PPP2R2B: variants seen among roughly 807,000 people sequenced by gnomAD.
The protein encoded by PPP2R2B is protein phosphatase 2 regulatory subunit Bbeta, also known as serine/threonine-protein phosphatase 2A 55 kDa regulatory subunit B beta isoform.
PPP2R2B carries 5 observed loss-of-function variants against 46.0 expected under a neutral mutation model. The ratio of observed to expected loss-of-function variants is 0.11; its 90% CI spans 0.06 to 0.23. The LOEUF (loss-of-function observed/expected upper bound fraction) is 0.23. Among genes scored for constraint, PPP2R2B ranks in the 10% least tolerant of loss-of-function variants. PPP2R2B has a pLI of 1.00. For synonymous variants in PPP2R2B, 215 were observed against 206.7 expected (o/e 1.04, Z -0.34); for missense variants, 367 against 575.0 (o/e 0.64, Z 3.70).
intron 1 of PPP2R2B, among the ~76,000 whole-genome samples, chr5:146,985,351 G>T (rs967008995): frequency 1.2e-4 from 19 of 152,054 alleles, no homozygotes; most frequent in Non-Finnish European, 5.9e-5. Flanking sequence ...TCATCCATAG[G>T]TTGTCTCTTT....
chr5:146,629,901 C>A (rs1282340920), intron 7 of PPP2R2B, among the ~76,000 whole-genome samples: 1 of 152,114 alleles, frequency 6.6e-6, no homozygotes, highest in Non-Finnish European at 1.5e-5. Flanking sequence ...GCAACCTCTG[C>A]CTCCCAGGTT....
chr5:146,825,337 C>T (rs1264541771), intron 2 of PPP2R2B, among the ~76,000 whole-genome samples: 2 of 152,178 alleles, frequency 1.3e-5, no homozygotes, highest in Admixed American at 6.5e-5. Context: ...GCCCACACTT[C>T]CATGTTTATT....
intron 2 of PPP2R2B, among the ~76,000 whole-genome samples, chr5:146,854,374 G>T (rs749457704): frequency 7.2e-5 from 11 of 152,092 alleles, no homozygotes; most frequent in Non-Finnish European, 1.5e-4. Context: ...TCAAGTTATG[G>T]TATTCGGGTT....
At chr5:147,046,792 C>T (rs1401473152) in intron 1 of PPP2R2B, among the ~76,000 whole-genome samples, 1 of 152,034 alleles carries the variant, frequency 6.6e-6, no homozygotes, top group Non-Finnish European at 1.5e-5. Flanking sequence ...GGATAATCAT[C>T]CTCCTGTGAT....
At chr5:146,633,206 G>C (rs1489727543) in intron 7 of PPP2R2B, among the ~76,000 whole-genome samples, 2 of 152,172 alleles carry the variant, frequency 1.3e-5, no homozygotes, top group African/African-American at 4.8e-5. Flanking sequence ...GCAGAGTGAG[G>C]GACATATGGA....
chr5:147,043,567 T>A (rs1327322483), intron 1 of PPP2R2B, among the ~76,000 whole-genome samples: 1 of 152,098 alleles, frequency 6.6e-6, no homozygotes, highest in African/African-American at 2.4e-5. Context: ...ACTCGGGCAT[T>A]TTGATATGGC....
intron 2 of PPP2R2B, among the ~76,000 whole-genome samples, chr5:147,071,259 C>T (rs1757586201): frequency 6.6e-6 from 1 of 152,142 alleles, no homozygotes; most frequent in South Asian, 2.1e-4. Context: ...GGGAATTTAT[C>T]AGCTCTGGGG....
chr5:147,068,203 C>T (rs930069118), intron 2 of PPP2R2B, among the ~76,000 whole-genome samples: 3 of 152,128 alleles, frequency 2.0e-5, no homozygotes, highest in East Asian at 1.9e-4. Context: ...CTGTGTCAAG[C>T]GCCGTGCTTT....
chr5:146,966,683 T>C (rs1233888767), intron 1 of PPP2R2B, among the ~76,000 whole-genome samples: 2 of 152,180 alleles, frequency 1.3e-5, no homozygotes, highest in Non-Finnish European at 2.9e-5. Flanking sequence ...TTCCTTTACG[T>C]ATCCCTCGTA....
chr5:146,960,524 G>A (rs534947508), intron 1 of PPP2R2B, among the ~76,000 whole-genome samples: 69 of 152,160 alleles, frequency 4.5e-4, no homozygotes, highest in Middle Eastern at 3.4e-3. Context: ...TCCTGAACTC[G>A]TGATCCACCC....
intron 2 of PPP2R2B, among the ~76,000 whole-genome samples, chr5:146,822,030 G>T (rs555685845): frequency 1.3e-5 from 2 of 152,268 alleles, no homozygotes; most frequent in African/African-American, 2.4e-5. Context: ...TGTTATTTCC[G>T]TGTAAAACAT....
rs1377329716 is a variant in PPP2R2B at position 146,668,802 on chromosome 5, T to C, written c.448-18078A>G. Among the ~76,000 whole-genome samples the C allele has an allele frequency of 2.0e-5, 3 of 152,220 alleles. No homozygotes were observed. In the East Asian group the frequency reaches 5.8e-4, roughly 29 times the overall value. On this transcript the variant is annotated intron_variant, in intron 5 of 9. Coordinates refer to ENST00000394411, the MANE Select transcript of PPP2R2B (RefSeq NM_181675.4). ...AGTTTTCAAGGTTGTCATCCATTTC[T>C]GTACTGCTTTCTGACCTCTTTGCCC...
chr5:146,825,975 G>A (rs1402702817), intron 2 of PPP2R2B, among the ~76,000 whole-genome samples: 1 of 152,148 alleles, frequency 6.6e-6, no homozygotes, highest in African/African-American at 2.4e-5. Context: ...TCTCATGCCA[G>A]GGGAATCTTA....
At chr5:147,056,742 A>G (rs1246916995), upstream of PPP2R2B, among the ~76,000 whole-genome samples, 1 of 152,172 alleles carries the variant, frequency 6.6e-6, no homozygotes, top group Non-Finnish European at 1.5e-5. Flanking sequence ...GACATGACCA[A>G]CCACAAGATA....
In PPP2R2B at chr5:146,718,403, C is replaced by T. The variant is rs146805371; in HGVS notation, c.71-17261G>A. On this transcript the variant is annotated intron_variant, in intron 2 of 9. Transcript: ENST00000394411. Reference sequence around the variant, plus strand: ...ACCCCATCTTAAAAAAAAAAAAGTACGGTTTCCTAGAATATTTATTAATAT... The same window carrying T: ...ACCCCATCTTAAAAAAAAAAAAGTATGGTTTCCTAGAATATTTATTAATAT... Among the ~76,000 whole-genome samples, 449 of 151,640 alleles carry T rather than the reference C, an allele frequency of 3.0e-3. 3 individuals are homozygous for T. The highest frequency in any genetic ancestry group is 0.01 in the African/African-American group (416 of 41,358).
At chr5:146,821,434 C>T (rs1235468806) in intron 2 of PPP2R2B, among the ~76,000 whole-genome samples, 1 of 152,164 alleles carries the variant, frequency 6.6e-6, no homozygotes, top group Non-Finnish European at 1.5e-5. Flanking sequence ...AACAGCTAAG[C>T]ATGGCTCTCC....
chr5:146,653,025 TA>T (rs1776081391), intron 5 of PPP2R2B, among the ~76,000 whole-genome samples: 1 of 152,128 alleles, frequency 6.6e-6, no homozygotes, highest in African/African-American at 2.4e-5. Context: ...CCAAAATATT[TA>T]TTGGGCATTT....
At chr5:146,684,376 C>T (rs1778359724) in intron 5 of PPP2R2B, among the ~76,000 whole-genome samples, 1 of 152,228 alleles carries the variant, frequency 6.6e-6, no homozygotes, top group South Asian at 2.1e-4. Context: ...GTTCCCCCTC[C>T]TCCCAGAATG....
intron 1 of PPP2R2B, among the ~76,000 whole-genome samples, chr5:146,885,050 A>T (rs747486849): frequency 1.2e-4 from 19 of 152,240 alleles, no homozygotes; most frequent in Admixed American, 3.9e-4. Flanking sequence ...ATAATTTGTT[A>T]GGCAAATTAT....
Sources: allele counts gnomAD v4.1 joint callset (sites outside exome capture counted in the v4.1 genomes callset), GRCh38; gene constraint gnomAD v4.1.1; transcripts MANE v1.5; gene names NCBI Gene and HGNC (gene_info 2026-07-23, HGNC 2026-07-21).